TBC1D14: variants seen among roughly 807,000 people sequenced by gnomAD.
The protein encoded by TBC1D14 is TBC1 domain family, member 14.
In TBC1D14, 26 loss-of-function variants were observed where a neutral mutation model predicts 79.0. That is an observed-to-expected ratio of 0.33 (90% CI 0.24 to 0.46). The LOEUF is 0.46. TBC1D14 is among the 20% of genes least tolerant of loss of function. The probability of loss-of-function intolerance (pLI) is 1.00; values close to 1 mark genes in which losing one functional copy is unlikely to be tolerated. For synonymous variants in TBC1D14, 394 were observed against 349.9 expected (o/e 1.13, Z -1.40); for missense variants, 769 against 887.6 (o/e 0.87, Z 1.70).
intron 3 of TBC1D14, among the ~76,000 whole-genome samples, chr4:6,985,683 A>G (rs998411467): frequency 2.1e-5 from 3 of 142,528 alleles, no homozygotes; most frequent in Non-Finnish European, 4.6e-5. Flanking sequence ...TGAATGGAGT[A>G]ACAAATAGCA....
intron 3 of TBC1D14, among the ~76,000 whole-genome samples, chr4:6,989,424 G>A (rs1035096825): frequency 6.6e-6 from 1 of 152,226 alleles, no homozygotes; most frequent in African/African-American, 2.4e-5. Flanking sequence ...TGCTTCTGCT[G>A]TCAGAGTGCC....
intron 9 of TBC1D14, among the ~76,000 whole-genome samples, chr4:7,009,049 A>G (rs1193216048): frequency 2.6e-5 from 4 of 152,196 alleles, no homozygotes; most frequent in Admixed American, 2.0e-4. Flanking sequence ...TTCACATGCT[A>G]GAATATGATG....
At chr4:6,921,205 T>TTTTA (rs950099282) in intron 1 of TBC1D14, among the ~76,000 whole-genome samples, 1 of 151,938 alleles carries the variant, frequency 6.6e-6, no homozygotes, top group Non-Finnish European at 1.5e-5. Flanking sequence ...GAACTTTATT[T>TTTTA]TTTATTTATT....
At chr4:7,003,757 T>C (rs1577154859) in intron 7 of TBC1D14, among the ~76,000 whole-genome samples, 1 of 152,148 alleles carries the variant, frequency 6.6e-6, no homozygotes, top group East Asian at 1.9e-4. Context: ...CCCAGCACTT[T>C]GGGAGGTTGT....
rs149837659 is a variant in TBC1D14, at chr4:6,998,655, T to C, written c.1046-430T>C. 1,175 of 165,594 alleles carry C rather than the reference T, an allele frequency of 7.1e-3. 16 individuals are homozygous for C. Among genetic ancestry groups the C allele is most frequent in the African/African-American group, 0.027 (1,111 of 41,704 alleles). 10.3% of individuals were successfully genotyped at this position (165,594 alleles called of 1,614,324 possible). On this transcript the variant is annotated intron_variant, in intron 5 of 13. Transcript: ENST00000409757. Reference sequence around the variant, plus strand: ...CTGGATTCAAGCAATTCTCCTACCTTAGCCTCCCCAGTAGCTGGGACTACA... The same window carrying C: ...CTGGATTCAAGCAATTCTCCTACCTCAGCCTCCCCAGTAGCTGGGACTACA...
chr4:7,027,577 TCACA>T (rs1190237763), intron 13 of TBC1D14, among the ~76,000 whole-genome samples: 1 of 131,608 alleles, frequency 7.6e-6, no homozygotes, highest in Non-Finnish European at 1.6e-5. Flanking sequence ...GACACGCACA[TCACA>T]CACCCACCCA....
Position 6,994,320 on chromosome 4 carries a change from C to T in TBC1D14, c.962+18C>T. On this transcript the variant is annotated intron_variant, in intron 4 of 13. Coordinates refer to ENST00000409757, the MANE Select transcript of TBC1D14 (RefSeq NM_020773.3). ...AGACCAGCGTGAGTTTAAGAAGACT[C>T]TCTTTAGAGTGTTTGCTTTAGGAAA... is the stretch of plus-strand genomic sequence containing the variant. 6.2e-7 allele frequency: 1 copy of T among 1,603,446 alleles called. No individual in the cohort carries two copies. The highest frequency in any genetic ancestry group is 8.5e-7 in the Non-Finnish European group (1 of 1,170,328).
chr4:6,941,858 C>G (rs1297859925), intron 2 of TBC1D14, among the ~76,000 whole-genome samples: 1 of 152,146 alleles, frequency 6.6e-6, no homozygotes, highest in African/African-American at 2.4e-5. Flanking sequence ...CCTGGAGGCT[C>G]CAGGTGTGTG....
chr4:7,001,503 G>A (rs1258144077), intron 7 of TBC1D14: 2 of 430,076 alleles, frequency 4.7e-6, no homozygotes, highest in Admixed American at 3.9e-5. Context: ...TTAGAGCATC[G>A]GGGAGGTGCC....
At chr4:7,006,275 A>ATGTG (rs558201839) in intron 8 of TBC1D14, among the ~76,000 whole-genome samples, 6,647 of 151,224 alleles carry the variant, frequency 0.044, 448 homozygotes, top group African/African-American at 0.15. Flanking sequence ...GCAGTGATAT[A>ATGTG]TGTGTGTGTG....
At chr4:6,954,841 G>C (rs924457602) in intron 2 of TBC1D14, among the ~76,000 whole-genome samples, 3 of 152,268 alleles carry the variant, frequency 2.0e-5, no homozygotes, top group Admixed American at 1.3e-4. Context: ...CTGGCCTTAA[G>C]TGATCCACCC....
At chr4:6,927,120 C>T (rs1724351295) in intron 2 of TBC1D14, among the ~76,000 whole-genome samples, 1 of 152,170 alleles carries the variant, frequency 6.6e-6, no homozygotes, top group Admixed American at 6.5e-5. Context: ...CTCCCAGAAG[C>T]GCAGGCCCGG....
chr4:7,021,279 C>T (rs1331793830), intron 12 of TBC1D14, among the ~76,000 whole-genome samples: 1 of 152,178 alleles, frequency 6.6e-6, no homozygotes, highest in Non-Finnish European at 1.5e-5. Flanking sequence ...CTGAGAGACA[C>T]GTCATTTGTT....
intron 1 of TBC1D14, among the ~76,000 whole-genome samples, chr4:6,916,984 T>C (rs920227432): frequency 4.6e-5 from 7 of 152,242 alleles, no homozygotes; most frequent in African/African-American, 1.7e-4. Context: ...GCAGGAATTT[T>C]CACTTTCCTG....
rs751175855 is a variant in TBC1D14, at chr4:6,923,621, C to T, written c.232C>T (p.Pro78Ser). The T allele has an allele frequency of 6.2e-7, 1 of 1,613,952 alleles. No individual in the cohort carries two copies. The highest frequency in any genetic ancestry group is 8.5e-7 in the Non-Finnish European group (1 of 1,180,026). Residue 78 changes from proline to serine, a missense_variant, in exon 2 of 14, where the codon CCT becomes TCT. Physicochemically the swap from Pro to Ser is moderately conservative, Grantham distance 74. Around this residue, in one of 2 missense-constraint regions of TBC1D14, gnomAD observed 402 missense variants for 393.2 expected, o/e 1.02. Coordinates refer to ENST00000409757, the MANE Select transcript of TBC1D14 (RefSeq NM_020773.3). ...TACCCTGGAGATCGGGAACCCGGAG[C>T]CTGTACCCTGCAGCGCGGTCCACGT... The part of the protein sequence containing the change: ...IPTLEIGNPE[P>S]VPCSAVHVRR...
At position 7,010,900 on chromosome 4, in the gene TBC1D14, A is replaced by G. The variant is rs117342724; in HGVS notation, c.1647+119A>G. On this transcript the variant is annotated intron_variant, in intron 11 of 13. Coordinates refer to ENST00000409757, the MANE Select transcript of TBC1D14 (RefSeq NM_020773.3). ...ATTTTCTCTCTGTGAAGAGATGTTT[A>G]GAGTAAGCAGCACTGTAAGGTGGAG... 141 of 1,257,404 alleles carry G rather than the reference A, an allele frequency of 1.1e-4. No individual in the cohort carries two copies. In the East Asian group the frequency reaches 3.0e-3, roughly 27 times the overall value. The allele number at this position is 1,257,404 out of a possible 1,614,324, so 77.9% of individuals were successfully genotyped here.
At chr4:6,974,088 T>TGCTGGGATTACAGACATGAGCC (rs879876847) in intron 3 of TBC1D14, among the ~76,000 whole-genome samples, 4 of 152,010 alleles carry the variant, frequency 2.6e-5, no homozygotes, top group African/African-American at 9.7e-5. Context: ...CCTCCCAGAG[T>TGCTGGGATTACAGACATGAGCC]GCTGGGATTA....
intron 12 of TBC1D14, among the ~76,000 whole-genome samples, chr4:7,021,825 G>A (rs997871764): frequency 6.6e-6 from 1 of 152,224 alleles, no homozygotes; most frequent in African/African-American, 2.4e-5. Flanking sequence ...GAGGAGTACT[G>A]AGCCGTCTCT....
intron 1 of TBC1D14, 132 bp from the exon 2 acceptor site, chr4:6,923,241 A>G: frequency 9.4e-7 from 1 of 1,059,788 alleles, no homozygotes; most frequent in Non-Finnish European, 1.3e-6. Context: ...ACTTGAATCA[A>G]AACTTGGGTA....
Sources: allele counts gnomAD v4.1 joint callset (sites outside exome capture counted in the v4.1 genomes callset), GRCh38; gene constraint gnomAD v4.1.1; regional missense constraint gnomAD v4.1.1; transcripts MANE v1.5; gene names NCBI Gene and HGNC (gene_info 2026-07-23, HGNC 2026-07-21).